PEX11G: variants seen among roughly 807,000 people sequenced by gnomAD.
The protein encoded by PEX11G is peroxisomal membrane protein 11C.
A neutral mutation model predicts 22.5 loss-of-function variants in PEX11G; 20 were observed. The ratio of observed to expected loss-of-function variants is 0.89; its 90% CI spans 0.62 to 1.29. The LOEUF (loss-of-function observed/expected upper bound fraction) is 1.29, where lower values mean the gene tolerates loss of function less well. PEX11G is among the 50% of genes most tolerant of loss of function. The pLI is 0.00. For synonymous variants in PEX11G, 141 were observed against 154.5 expected (o/e 0.91, Z 0.65); for missense variants, 347 against 331.3 (o/e 1.05, Z -0.37).
At chr19:7,485,387 G>A (rs1273951320) in intron 2 of PEX11G, among the ~76,000 whole-genome samples, 5 of 151,194 alleles carry the variant, frequency 3.3e-5, no homozygotes, top group East Asian at 1.9e-4. Flanking sequence ...ACGGAGTCTC[G>A]CTCTGTCGTC....
chr19:7,489,074 T>C (rs898972012), upstream of PEX11G: 67 of 1,427,752 alleles, frequency 4.7e-5, no homozygotes, highest in African/African-American at 9.3e-4. Context: ...CAGGCCGGGG[T>C]ACCGGGAGCG....
upstream of PEX11G, chr19:7,491,096 A>G (rs1323077934): frequency 6.6e-6 from 1 of 150,868 alleles, no homozygotes; most frequent in Non-Finnish European, 1.5e-5. Flanking sequence ...TAATTCTTTC[A>G]TTGCAAGGAT....
chr19:7,482,173 C>T lies in PEX11G; in HGVS notation c.288G>A (p.Gly96=). 1.9e-6 allele frequency: 3 copies of T among 1,585,428 alleles called. No homozygotes were observed. Among genetic ancestry groups the T allele is most frequent in the Non-Finnish European group, 1.7e-6 (2 of 1,166,548 alleles). The stretch of plus-strand genomic sequence containing the variant: ...GGTAGTAGAGCTGGTCAGCCAGGTT[C>T]CCTAGGACGGAGACACAGCGGACAA... The part of the protein sequence containing the change: ...DAFVRCVSVL[G]NLADQLYYPC... Residue 96 remains glycine (G), a synonymous_variant, in exon 3 of 5, where the codon GGG becomes GGA. Coordinates refer to ENST00000221480, the MANE Select transcript of PEX11G (RefSeq NM_080662.4).
intron 1 of PEX11G, among the ~76,000 whole-genome samples, chr19:7,494,923 C>T (rs534539676): frequency 3.9e-4 from 59 of 152,322 alleles, no homozygotes; most frequent in African/African-American, 1.3e-3. Context: ...ATACCAGCAA[C>T]GGCTGTTCCT....
chr19:7,477,422 C>A lies in PEX11G; in HGVS notation c.506G>T (p.Gly169Val). The A allele has an allele frequency of 6.8e-7, 1 of 1,461,622 alleles. No homozygotes were observed. The allele number at this position is 1,461,622 out of a possible 1,614,324, so 90.5% of individuals were successfully genotyped here. ...TAPFTSPLPR[G>V]KRRAMEAQMQ... ...CTGCGCCTCCATGGCCCTCCGCTTG[C>A]CCCGGGGCAGCGGGCTGTGGGGCAG... is the stretch of plus-strand genomic sequence containing the variant. The change falls in exon 5 of 5, where the codon GGC becomes GTC. Residue 169 changes from glycine to valine, a missense_variant. Transcript: ENST00000221480.
chr19:7,489,084 G>A (rs1599226060), upstream of PEX11G: 1 of 1,388,348 alleles, frequency 7.2e-7, no homozygotes, highest in South Asian at 1.6e-5. Context: ...TACCGGGAGC[G>A]CCCCAAAGGC....
chr19:7,489,004 A>T lies in PEX11G; in HGVS notation c.7T>A (p.Ser3Thr), dbSNP rs1202099475. The T allele has an allele frequency of 6.5e-7, 1 of 1,539,648 alleles. No individual in the cohort carries two copies. Among genetic ancestry groups the T allele is most frequent in the East Asian group, 2.5e-5 (1 of 39,660 alleles). The change falls in exon 1 of 5, where the codon TCG (serine) becomes ACG (threonine). Residue 3 changes from serine to threonine, a missense_variant. Transcript: ENST00000221480. ...AGCGCCGACGCCAGGCCGCTCAGCGACGCCATGGCAACTCCGTGACGTCAC... is the reference window on the plus strand; with the variant it reads ...AGCGCCGACGCCAGGCCGCTCAGCGTCGCCATGGCAACTCCGTGACGTCAC... MA[S>T]LSGLASALES...
chr19:7,486,023 G>A lies in PEX11G; in HGVS notation c.64C>T (p.Arg22Ter), dbSNP rs779254720. 31 of 1,584,206 alleles carry A rather than the reference G, an allele frequency of 2.0e-5. No homozygotes were observed. Among genetic ancestry groups the A allele is most frequent in the South Asian group, 6.7e-5 (6 of 89,108 alleles). The stretch of plus-strand genomic sequence containing the variant: ...AGCTGGCAGCAGTACCCCAGCACTC[G>A]GATCTGTGGGAAACCAGAAGCAGTC... ...ESYRGRDRLI[R>*]VLGYCCQLVG... Residue 22 changes from arginine to a stop codon, truncating the protein, a stop_gained, in exon 2 of 5, where the codon CGA (arginine) becomes TGA (stop). Coordinates refer to ENST00000221480, the MANE Select transcript of PEX11G (RefSeq NM_080662.4). LOFTEE classifies it high-confidence loss of function.
At chr19:7,491,063 T>G (rs1049224274), upstream of PEX11G, 3 of 152,024 alleles carry the variant, frequency 2.0e-5, no homozygotes, top group Non-Finnish European at 4.4e-5. Context: ...ATTACAGGCG[T>G]GAACCACCGC....
rs151019656 is a variant in PEX11G at position 7,485,945 on chromosome 19, G to A, written c.142C>T (p.Arg48Cys). 14 of 1,613,236 alleles carry A rather than the reference G, an allele frequency of 8.7e-6. No individual in the cohort carries two copies. The African/African-American group carries it at 1.3e-4, about 15-fold the overall frequency. Residue 48 changes from arginine to cysteine, a missense_variant, in exon 2 of 5, where the codon CGT becomes TGT. Transcript: ENST00000221480. The part of the protein sequence containing the change: ...QCPARSEVGT[R>C]LLVVSTQLSH... Reference sequence around the variant, plus strand: ...AGTTGGGTGGACACCACCAACAGACGTGTCCCCACTTCGGACCTGGCGGGA... The same window carrying A: ...AGTTGGGTGGACACCACCAACAGACATGTCCCCACTTCGGACCTGGCGGGA...
upstream of PEX11G, among the ~76,000 whole-genome samples, chr19:7,492,499 A>G (rs942770439): frequency 1.3e-5 from 2 of 151,860 alleles, no homozygotes; most frequent in African/African-American, 2.4e-5. Flanking sequence ...GCTGGAGTGC[A>G]GTGCTGATCT....
At chr19:7,489,421 C>T, upstream of PEX11G, 1 of 1,010,242 alleles carries the variant, frequency 9.9e-7, no homozygotes. Context: ...TGTCTGCCTG[C>T]CCGTAGTGAG....
chr19:7,482,688 G>C (rs1977552800), intron 2 of PEX11G, among the ~76,000 whole-genome samples: 1 of 152,218 alleles, frequency 6.6e-6, no homozygotes, highest in Non-Finnish European at 1.5e-5. Context: ...GGGAGCATGA[G>C]GTGGCCCGCA....
At chr19:7,492,036 G>A (rs1057000602), upstream of PEX11G, among the ~76,000 whole-genome samples, 4 of 152,256 alleles carry the variant, frequency 2.6e-5, no homozygotes, top group East Asian at 1.9e-4. Context: ...ATAACATTGC[G>A]CCATATGGAT....
chr19:7,480,538 G>T (rs1714927177), intron 3 of PEX11G, among the ~76,000 whole-genome samples: 1 of 149,550 alleles, frequency 6.7e-6, no homozygotes, highest in African/African-American at 2.4e-5. Context: ...AGGGTATTAG[G>T]TCAAAGGCTG....
intron 1 of PEX11G, among the ~76,000 whole-genome samples, chr19:7,488,190 C>G (rs2021748754): frequency 6.6e-6 from 1 of 152,156 alleles, no homozygotes; most frequent in Non-Finnish European, 1.5e-5. Context: ...AAACGTCCAG[C>G]CAGGCTGGGT....
At chr19:7,489,606 T>C, upstream of PEX11G, 5 of 671,078 alleles carry the variant, frequency 7.5e-6, no homozygotes, top group Non-Finnish European at 9.2e-6. Context: ...AGTTTCGGGG[T>C]ATTTTTATCA....
At chr19:7,486,654 C>T (rs1222982962) in intron 1 of PEX11G, among the ~76,000 whole-genome samples, 1 of 151,926 alleles carries the variant, frequency 6.6e-6, no homozygotes, top group African/African-American at 2.4e-5. Flanking sequence ...GGCTGGAGTG[C>T]GGTGGCGCGA....
At chr19:7,492,368 G>T (rs2021905401), upstream of PEX11G, among the ~76,000 whole-genome samples, 1 of 152,166 alleles carries the variant, frequency 6.6e-6, no homozygotes, top group Non-Finnish European at 1.5e-5. Context: ...TAGTAGGTGT[G>T]ACGTGCCACC....
Sources: gnomAD v4.1 joint callset for allele counts (sites outside exome capture counted in the v4.1 genomes callset) on GRCh38, gnomAD v4.1.1 for gene constraint, MANE v1.5 for transcripts, NCBI Gene and HGNC (gene_info 2026-07-23, HGNC 2026-07-21) for gene names.